Variants in RFX7 observed in about 807,000 individuals in gnomAD.
RFX7 encodes regulatory factor X7.
RFX7 carries 26 observed loss-of-function variants against 111.8 expected under a neutral mutation model. The observed-to-expected ratio is 0.23, with a 90% CI of 0.17 to 0.32. The LOEUF is 0.32. Among genes scored for constraint, RFX7 ranks in the 10% least tolerant of loss-of-function variants. The pLI is 1.00. For synonymous variants in RFX7, 624 were observed against 624.4 expected (o/e 1.00, Z 0.01); for missense variants, 1,573 against 1,772.9 (o/e 0.89, Z 2.02).
Position 56,092,531 on chromosome 15 carries a change from T to C in RFX7, c.*814A>G, listed in dbSNP as rs2041609309. 1 of 152,204 alleles carries C rather than the reference T, an allele frequency of 6.6e-6. No homozygotes were observed. The highest frequency in any genetic ancestry group is 1.5e-5 in the Non-Finnish European group (1 of 67,990). 9.4% of individuals were successfully genotyped at this position (152,204 alleles called of 1,614,324 possible). On this transcript the variant is annotated 3_prime_UTR_variant, in exon 10 of 10. Transcript: ENST00000559447. ...CTCATTCCCCTAACTTAACAAATAA[T>C]AAGACATAAAGCATTTTTCTAACAT...
At chr15:56,137,293 T>G (rs1336622085) in intron 5 of RFX7, among the ~76,000 whole-genome samples, 1 of 152,140 alleles carries the variant, frequency 6.6e-6, no homozygotes, top group Non-Finnish European at 1.5e-5. Context: ...CAATTTCAGA[T>G]CCTGTTATTG....
intron 2 of RFX7, among the ~76,000 whole-genome samples, chr15:56,229,404 T>G (rs2043523384): frequency 6.6e-6 from 1 of 152,184 alleles, no homozygotes; most frequent in Non-Finnish European, 1.5e-5. Flanking sequence ...TTGCTGGGAC[T>G]ACAGGTGCTC....
chr15:56,143,470 C>A (rs1275827557), intron 4 of RFX7, among the ~76,000 whole-genome samples: 1 of 151,948 alleles, frequency 6.6e-6, no homozygotes, highest in Non-Finnish European at 1.5e-5. Flanking sequence ...AGACAAATCT[C>A]CCCCTACAAT....
intron 2 of RFX7, among the ~76,000 whole-genome samples, chr15:56,193,621 T>C (rs2043120262): frequency 6.6e-6 from 1 of 152,182 alleles, no homozygotes; most frequent in South Asian, 2.1e-4. Context: ...ATCATAACTA[T>C]TACATTTATG....
In RFX7 at chr15:56,090,461, A is replaced by AATAAC. The variant is rs2041582774; in HGVS notation, c.*2879_*2883dup. On this transcript the variant is annotated 3_prime_UTR_variant, in exon 10 of 10. Coordinates refer to ENST00000559447, the MANE Select transcript of RFX7 (RefSeq NM_022841.7). Reference sequence around the variant, plus strand: ...CTAAAGTTAATGACATCAAAGGAAGAATAACATTGGGTCTGTTTACAAAAT... The same window carrying AATAAC: ...CTAAAGTTAATGACATCAAAGGAAGAATAACATAACATTGGGTCTGTTTACAAAAT... 1 of 152,578 alleles carries AATAAC rather than the reference A, an allele frequency of 6.6e-6. No homozygotes were observed. The highest frequency in any genetic ancestry group is 1.5e-5 in the Non-Finnish European group (1 of 68,036). The allele number at this position is 152,578 out of a possible 1,614,324, so 9.5% of individuals were successfully genotyped here. A position where few individuals can be genotyped will look rare whatever the true frequency, so the allele number is the denominator to read the frequency against.
chr15:56,107,472 A>C (rs1409368833), intron 5 of RFX7, among the ~76,000 whole-genome samples: 1 of 152,096 alleles, frequency 6.6e-6, no homozygotes, highest in Non-Finnish European at 1.5e-5. Context: ...TCATGTCACA[A>C]ATTTAATTGT....
rs369442023 is a variant in RFX7 at position 56,165,553 on chromosome 15, A to G, written c.195+13717T>C. On this transcript the variant is annotated intron_variant, in intron 3 of 9. Coordinates refer to ENST00000559447, the MANE Select transcript of RFX7 (RefSeq NM_022841.7). ...AGTTCTCATGAATAAACCCTACCCTAGTAGAGCTGACTTAATTCAGAAAGC... is the reference window on the plus strand; with the variant it reads ...AGTTCTCATGAATAAACCCTACCCTGGTAGAGCTGACTTAATTCAGAAAGC... Among the ~76,000 whole-genome samples, 54 of 152,266 alleles carry G rather than the reference A, an allele frequency of 3.5e-4. 2 individuals are homozygous for G. The South Asian group carries it at 9.1e-3, about 26-fold the overall frequency.
intron 2 of RFX7, among the ~76,000 whole-genome samples, chr15:56,214,756 A>G (rs2043347046): frequency 6.6e-6 from 1 of 152,004 alleles, no homozygotes; most frequent in Admixed American, 6.6e-5. Flanking sequence ...GTCTTACATA[A>G]CTATAGCTAC....
intron 3 of RFX7, among the ~76,000 whole-genome samples, chr15:56,144,962 T>A (rs530072264): frequency 6.6e-6 from 1 of 152,296 alleles, no homozygotes; most frequent in East Asian, 1.9e-4. Context: ...ATTTACAACA[T>A]GTGACTGATG....
intron 2 of RFX7, among the ~76,000 whole-genome samples, chr15:56,202,016 G>C (rs778187433): frequency 1.7e-4 from 26 of 152,086 alleles, no homozygotes; most frequent in Non-Finnish European, 3.5e-4. Context: ...GGGCGACAGA[G>C]CGAGACTCTG....
intron 3 of RFX7, among the ~76,000 whole-genome samples, chr15:56,163,935 T>C (rs532927424): frequency 6.6e-6 from 1 of 152,134 alleles, no homozygotes; most frequent in South Asian, 2.1e-4. Flanking sequence ...CCAAATAATC[T>C]AACACAAAAG....
At chr15:56,226,952 A>C (rs536509957) in intron 2 of RFX7, among the ~76,000 whole-genome samples, 2 of 152,184 alleles carry the variant, frequency 1.3e-5, no homozygotes, top group Non-Finnish European at 2.9e-5. Context: ...AGGTTCCTCA[A>C]ATCTATTTAA....
intron 5 of RFX7, among the ~76,000 whole-genome samples, chr15:56,120,154 TTC>T (rs1391423517): frequency 6.6e-6 from 1 of 152,214 alleles, no homozygotes; most frequent in African/African-American, 2.4e-5. Context: ...CGCCTTTACA[TTC>T]TGTGTCCCCT....
chr15:56,131,514 C>T (rs552235724), intron 5 of RFX7, among the ~76,000 whole-genome samples: 1 of 151,118 alleles, frequency 6.6e-6, no homozygotes, highest in East Asian at 2.0e-4. Context: ...TAGACTTGGC[C>T]TCCCAAAGTG....
In RFX7 at chr15:56,095,122, G is replaced by A. The variant is rs1567003082; in HGVS notation, c.2606C>T (p.Ser869Phe). The A allele has an allele frequency of 6.2e-7, 1 of 1,613,862 alleles. No individual in the cohort carries two copies. The highest frequency in any genetic ancestry group is 8.5e-7 in the Non-Finnish European group (1 of 1,179,792). Residue 869 changes from serine to phenylalanine, a missense_variant, in exon 10 of 10, where the codon TCC becomes TTC. Physicochemically the swap from Ser to Phe is radical, Grantham distance 155. Around this residue, in one of 7 missense-constraint regions of RFX7, gnomAD observed 625 missense variants for 632.2 expected, o/e 0.99. Coordinates refer to ENST00000559447, the MANE Select transcript of RFX7 (RefSeq NM_022841.7). ...SELKEFEPSV[S>F]QTNESYFPFD... ...AGGAAAGTAGCTTTCATTTGTCTGG[G>A]AAACAGAAGGCTCAAACTCCTTCAG...
chr15:56,232,373 C>A (rs1418953407), intron 2 of RFX7, among the ~76,000 whole-genome samples: 1 of 152,178 alleles, frequency 6.6e-6, no homozygotes, highest in Non-Finnish European at 1.5e-5. Flanking sequence ...TGCAGAGCAC[C>A]AAGTCTCTAG....
At chr15:56,101,600 A>G (rs759469100) in intron 7 of RFX7, 34 bp from the exon 8 acceptor site, 1 of 1,543,852 alleles carries the variant, frequency 6.5e-7, no homozygotes, top group Non-Finnish European at 8.9e-7. Flanking sequence ...TTAACTTGTA[A>G]AAGACCAGAG....
At chr15:56,162,511 A>T (rs887022090) in intron 3 of RFX7, among the ~76,000 whole-genome samples, 11 of 152,164 alleles carry the variant, frequency 7.2e-5, no homozygotes, top group Non-Finnish European at 1.3e-4. Context: ...TTTTTGAGAC[A>T]ATGTAATAAA....
chr15:56,093,904 G>A lies in RFX7; in HGVS notation c.3824C>T (p.Ser1275Phe), dbSNP rs1296619120. 2 of 1,613,960 alleles carry A rather than the reference G, an allele frequency of 1.2e-6. No homozygotes were observed. The highest frequency in any genetic ancestry group is 1.7e-6 in the Non-Finnish European group (2 of 1,179,878). Residue 1275 changes from serine to phenylalanine, a missense_variant, in exon 10 of 10, where the codon TCT becomes TTT. Coordinates refer to ENST00000559447, the MANE Select transcript of RFX7 (RefSeq NM_022841.7). ...VRGLGMNNLP[S>F]NYTARMNLTQ... Reference sequence around the variant, plus strand: ...GAGATTCATCCGGGCTGTATAATTAGAGGGCAGGTTGTTCATTCCCAAACC... The same window carrying A: ...GAGATTCATCCGGGCTGTATAATTAAAGGGCAGGTTGTTCATTCCCAAACC...
Sources: allele counts gnomAD v4.1 joint callset (sites outside exome capture counted in the v4.1 genomes callset), GRCh38; gene constraint gnomAD v4.1.1; regional missense constraint gnomAD v4.1.1; transcripts MANE v1.5; gene names NCBI Gene and HGNC (gene_info 2026-07-23, HGNC 2026-07-21).